The following SNCAIP variants were observed in gnomAD, a reference collection of about 807,000 sequenced individuals.
The protein encoded by SNCAIP is synphilin-1.
Under a neutral mutation model 86.7 loss-of-function variants are expected in SNCAIP, and 43 were observed. The observed-to-expected ratio is 0.50, with a 90% CI of 0.39 to 0.64. SNCAIP has a LOEUF of 0.64. Ranked by LOEUF, SNCAIP falls within the 30% of genes least tolerant of loss-of-function variation. The pLI is 0.00. For synonymous variants in SNCAIP, 417 were observed against 427.2 expected (o/e 0.98, Z 0.29); for missense variants, 981 against 1,103.1 (o/e 0.89, Z 1.57).
intron 3 of SNCAIP, among the ~76,000 whole-genome samples, chr5:122,421,773 C>T (rs184744442): frequency 1.3e-5 from 2 of 152,266 alleles, no homozygotes; most frequent in Admixed American, 1.3e-4. Context: ...CATCTTTTAT[C>T]TAGCAGTGGA....
intron 1 of SNCAIP, among the ~76,000 whole-genome samples, chr5:122,378,626 C>A (rs1765921844): frequency 7.2e-6 from 1 of 139,018 alleles, no homozygotes; most frequent in Admixed American, 7.0e-5. Context: ...ATGCCTATGT[C>A]CTGAATGGTA....
intron 1 of SNCAIP, among the ~76,000 whole-genome samples, chr5:122,383,156 A>G (rs1202539717): frequency 3.9e-5 from 6 of 152,090 alleles, no homozygotes; most frequent in African/African-American, 1.4e-4. Context: ...GCAGCCTTGC[A>G]GTTTGATCTC....
rs763376254 is a variant in SNCAIP, at chr5:122,444,605, G to A, written c.1465G>A (p.Ala489Thr). ...YGANVTMQNH[A>T]GEKPSQSAER... is the part of the protein sequence containing the mutation. ...AGCAAATGTCACCATGCAGAACCAC[G>A]CTGGGGAAAAGCCCTCCCAGAGCGC... The change falls in exon 8 of 11, where the codon GCT becomes ACT. Residue 489 changes from alanine (A) to threonine (T), a missense_variant. Physicochemically the swap from Ala to Thr is moderately conservative, Grantham distance 58 (BLOSUM62 0). Transcript: ENST00000261368. 71 of 1,614,008 alleles carry A rather than the reference G, an allele frequency of 4.4e-5. No individual in the cohort carries two copies. The highest frequency in any genetic ancestry group is 5.5e-5 in the Non-Finnish European group (65 of 1,180,010).
chr5:122,459,131 A>G (rs1785500778), intron 10 of SNCAIP, among the ~76,000 whole-genome samples: 1 of 152,214 alleles, frequency 6.6e-6, no homozygotes, highest in African/African-American at 2.4e-5. Context: ...ACAAGTTTTC[A>G]TGCCTTGAAC....
intron 5 of SNCAIP, among the ~76,000 whole-genome samples, chr5:122,429,524 T>C (rs1213131683): frequency 6.6e-6 from 1 of 152,012 alleles, no homozygotes; most frequent in African/African-American, 2.4e-5. Context: ...CTCACATTTC[T>C]GTGTTCTGTG....
chr5:122,335,741 T>G (rs1756306513), intron 1 of SNCAIP, among the ~76,000 whole-genome samples: 1 of 152,256 alleles, frequency 6.6e-6, no homozygotes, highest in South Asian at 2.1e-4. Context: ...AGGAGGGCTC[T>G]TCGGCATTGT....
chr5:122,451,097 C>A lies in SNCAIP; in HGVS notation c.2250C>A (p.Pro750=), dbSNP rs756357578. 1 of 1,614,160 alleles carries A rather than the reference C, an allele frequency of 6.2e-7. No homozygotes were observed. The highest frequency in any genetic ancestry group is 1.1e-5 in the South Asian group (1 of 91,076). Residue 750 remains proline, a synonymous_variant, in exon 10 of 11, where the codon CCC becomes CCA. Coordinates refer to ENST00000261368, the MANE Select transcript of SNCAIP (RefSeq NM_005460.4). ...SKSLDGHSPS[P]TSESSEPDLE... is the part of the protein sequence containing the mutation. The stretch of plus-strand genomic sequence containing the variant: ...CCCTGGATGGCCACAGCCCATCTCC[C>A]ACCTCAGAGAGCAGCGAACCAGACT...
chr5:122,311,697 G>C (rs1254952808), upstream of SNCAIP: 2 of 152,750 alleles, frequency 1.3e-5, no homozygotes, highest in Non-Finnish European at 2.9e-5. Context: ...GAGAAAAGTG[G>C]GAAGCGCGGA....
At chr5:122,425,924 A>G (rs1020505092) in intron 5 of SNCAIP, among the ~76,000 whole-genome samples, 1 of 152,234 alleles carries the variant, frequency 6.6e-6, no homozygotes, top group African/African-American at 2.4e-5. Flanking sequence ...GGAGTATTTC[A>G]GATCACAAAG....
chr5:122,313,619 C>T (rs140347283), intron 1 of SNCAIP, among the ~76,000 whole-genome samples: 202 of 152,322 alleles, frequency 1.3e-3, no homozygotes, highest in African/African-American at 4.3e-3. Flanking sequence ...TGTAGGAAAG[C>T]AGTATGCTAA....
intron 3 of SNCAIP, among the ~76,000 whole-genome samples, chr5:122,417,684 TTTCTTCCTTCCA>T (rs900732522): frequency 6.6e-6 from 1 of 151,952 alleles, no homozygotes; most frequent in African/African-American, 2.4e-5. Flanking sequence ...CCTTCCCTCC[TTTCTTCCTTCCA>T]TTCTGCCTTT....
chr5:122,432,498 C>T (rs1219365767), intron 6 of SNCAIP, among the ~76,000 whole-genome samples: 5 of 152,014 alleles, frequency 3.3e-5, no homozygotes, highest in Admixed American at 6.6e-5. Flanking sequence ...CAAGTGGCTT[C>T]GATTTTCTAT....
chr5:122,398,977 G>C (rs978426797), intron 2 of SNCAIP, among the ~76,000 whole-genome samples: 19 of 152,144 alleles, frequency 1.2e-4, no homozygotes, highest in Admixed American at 3.3e-4. Flanking sequence ...TATCAACTCT[G>C]TGAAGTTTTT....
intron 1 of SNCAIP, among the ~76,000 whole-genome samples, chr5:122,385,122 G>A (rs754191370): frequency 1.3e-5 from 2 of 152,106 alleles, no homozygotes; most frequent in Non-Finnish European, 2.9e-5. Flanking sequence ...GTCTAGATTG[G>A]GTGCCTCAGC....
In SNCAIP at chr5:122,358,203, G is replaced by GTGTGTATATA. The variant is rs1221236719; in HGVS notation, c.-46-32885_-46-32884insGTGTATATAT. 3.1e-5 allele frequency among the ~76,000 whole-genome samples: 4 copies of GTGTGTATATA among 130,388 alleles called. No individual in the cohort carries two copies. In the South Asian group the frequency reaches 8.1e-4, roughly 26 times the overall value. 85.5% of individuals were successfully genotyped at this position (130,388 alleles called of 152,430 possible). Reference sequence around the variant, plus strand: ...TGTGTGTGTGTGTGTGTGTGTGTGTGTATATATATATATATAAAATACTTT... The same window carrying GTGTGTATATA: ...TGTGTGTGTGTGTGTGTGTGTGTGTGTGTGTATATATATATATATATATATAAAATACTTT... On this transcript the variant is annotated intron_variant, in intron 1 of 10. Coordinates refer to ENST00000261368, the MANE Select transcript of SNCAIP (RefSeq NM_005460.4).
At chr5:122,356,081 A>C (rs1760944026) in intron 1 of SNCAIP, among the ~76,000 whole-genome samples, 1 of 151,290 alleles carries the variant, frequency 6.6e-6, no homozygotes, top group Non-Finnish European at 1.5e-5. Flanking sequence ...ATAATGTTGC[A>C]AGAGTTAGCC....
intron 1 of SNCAIP, chr5:122,321,957 TG>T (rs1466865174): frequency 6.7e-6 from 1 of 150,104 alleles, no homozygotes; most frequent in Non-Finnish European, 1.5e-5. Flanking sequence ...TTCAACAACA[TG>T]GAAAAAAAAA....
At chr5:122,351,257 C>A (rs1266609172) in intron 1 of SNCAIP, among the ~76,000 whole-genome samples, 1 of 151,976 alleles carries the variant, frequency 6.6e-6, no homozygotes, top group Non-Finnish European at 1.5e-5. Flanking sequence ...TGTGAACTGG[C>A]CAGGCGCGGT....
At chr5:122,337,417 C>T (rs1756706430) in intron 1 of SNCAIP, among the ~76,000 whole-genome samples, 1 of 152,110 alleles carries the variant, frequency 6.6e-6, no homozygotes, top group Non-Finnish European at 1.5e-5. Context: ...AATGATGTGT[C>T]TCTTTTACCG....
Sources: gnomAD v4.1 joint callset for allele counts (sites outside exome capture counted in the v4.1 genomes callset) on GRCh38, gnomAD v4.1.1 for gene constraint, MANE v1.5 for transcripts, NCBI Gene and HGNC (gene_info 2026-07-23, HGNC 2026-07-21) for gene names.